Variants in INPP5D observed in about 807,000 individuals in gnomAD.
INPP5D encodes the protein inositol polyphosphate-5-phosphatase D.
INPP5D carries 33 observed loss-of-function variants against 122.9 expected under a neutral mutation model. The observed-to-expected ratio is 0.27, with a 90% CI of 0.20 to 0.36. INPP5D has a LOEUF of 0.36. Ranked by LOEUF, INPP5D falls within the 10% of genes least tolerant of loss-of-function variation. The pLI is 1.00. For synonymous variants in INPP5D, 584 were observed against 576.2 expected (o/e 1.01, Z -0.19); for missense variants, 1,053 against 1,412.7 (o/e 0.75, Z 4.08).
intron 2 of INPP5D, among the ~76,000 whole-genome samples, chr2:233,083,440 T>C (rs1326201985): frequency 6.6e-6 from 1 of 152,198 alleles, no homozygotes; most frequent in African/African-American, 2.4e-5. Flanking sequence ...CCTTCTGGAC[T>C]CAGCTTGCAC....
In INPP5D at chr2:233,163,910, AGCTGGCTGCAC is replaced by A; in HGVS notation, c.1437+13_1437+23del. On this transcript the variant is annotated splice_region_variant and intron_variant, in intron 12 of 26. Transcript: ENST00000445964. ...CAGTGTGACTTTTAAAACAGTGAGC[AGCTGGCTGCAC>A]GCTGGGTGGGCTTCCGGGATAGAAT... is the stretch of plus-strand genomic sequence containing the variant. 1 of 1,613,114 alleles carries A rather than the reference AGCTGGCTGCAC, an allele frequency of 6.2e-7. No homozygotes were observed. Among genetic ancestry groups the A allele is most frequent in the Non-Finnish European group, 8.5e-7 (1 of 1,179,206 alleles).
At chr2:233,138,470 GA>G (rs1314609093) in intron 5 of INPP5D, among the ~76,000 whole-genome samples, 1 of 151,990 alleles carries the variant, frequency 6.6e-6, no homozygotes, top group Non-Finnish European at 1.5e-5. Context: ...ATCAGCAATA[GA>G]AAAACAATGA....
intron 1 of INPP5D, 33 bp from the exon 2 acceptor site, chr2:233,079,302 A>G (rs770503026): frequency 7.0e-5 from 97 of 1,390,646 alleles, no homozygotes; most frequent in Non-Finnish European, 8.9e-5. Context: ...GTCTTCCTGC[A>G]TGGGTTCTAA....
At chr2:233,154,590 A>G (rs1018008931) in intron 9 of INPP5D, among the ~76,000 whole-genome samples, 1 of 152,210 alleles carries the variant, frequency 6.6e-6, no homozygotes, top group Non-Finnish European at 1.5e-5. Flanking sequence ...GAGCTTATAT[A>G]CCTTCTAATC....
chr2:233,094,627 T>TG (rs2106226230), intron 2 of INPP5D, among the ~76,000 whole-genome samples: 1 of 151,610 alleles, frequency 6.6e-6, no homozygotes, highest in East Asian at 1.9e-4. Context: ...TCTAGAACCT[T>TG]GCTGCTCAGA....
chr2:233,190,083 AC>A, intron 22 of INPP5D, 146 bp downstream of exon 22: 1 of 1,317,442 alleles, frequency 7.6e-7, no homozygotes, highest in Non-Finnish European at 1.0e-6. Context: ...TGGGACCGTC[AC>A]CACTAAGTCA....
At chr2:233,080,565 G>A (rs1691655960) in intron 2 of INPP5D, among the ~76,000 whole-genome samples, 2 of 152,120 alleles carry the variant, frequency 1.3e-5, no homozygotes, top group South Asian at 4.1e-4. Context: ...ACAAAGGTTT[G>A]GATATCATGT....
At chr2:233,144,750 G>C (rs919851870) in intron 6 of INPP5D, among the ~76,000 whole-genome samples, 4 of 151,890 alleles carry the variant, frequency 2.6e-5, no homozygotes, top group Non-Finnish European at 5.9e-5. Context: ...GAGTGATAGG[G>C]GTGGAGATGG....
Position 233,170,927 on chromosome 2 carries a change from A to T in INPP5D, c.1901-137A>T. The T allele has an allele frequency of 1.0e-6, 1 of 992,834 alleles. No homozygotes were observed. Among genetic ancestry groups the T allele is most frequent in the South Asian group, 1.7e-5 (1 of 57,210 alleles). 61.5% of individuals were successfully genotyped at this position (992,834 alleles called of 1,614,324 possible). A position where few individuals can be genotyped will look rare whatever the true frequency, so the allele number is the denominator to read the frequency against. On this transcript the variant is annotated intron_variant, in intron 16 of 26. Transcript: ENST00000445964. The surrounding 1 kb of genome is among the most constrained non-coding windows in gnomAD (Gnocchi z 4.5). ...TCTCAAAAAAAAAAAAAAAAAAAGCAGCAGCCTCTCCTCTTGGAGCCTTTC... is the reference window on the plus strand; with the variant it reads ...TCTCAAAAAAAAAAAAAAAAAAAGCTGCAGCCTCTCCTCTTGGAGCCTTTC...
chr2:233,138,208 G>T (rs970951357), intron 5 of INPP5D, among the ~76,000 whole-genome samples: 1 of 149,878 alleles, frequency 6.7e-6, no homozygotes, highest in African/African-American at 2.4e-5. Context: ...AAATTAGCTG[G>T]GCGTGGTGGT....
At chr2:233,108,094 A>T (rs548942861) in intron 2 of INPP5D, among the ~76,000 whole-genome samples, 1 of 152,164 alleles carries the variant, frequency 6.6e-6, no homozygotes, top group Admixed American at 6.5e-5. Context: ...GTCCTCCAGG[A>T]GGTAGACGCC....
chr2:233,060,713 A>G, intron 1 of INPP5D, 101 bp downstream of exon 1: 1 of 1,449,298 alleles, frequency 6.9e-7, no homozygotes, highest in Non-Finnish European at 9.6e-7. Flanking sequence ...GGACAGAGTG[A>G]TCTGACATGC....
chr2:233,157,518 A>G (rs1434734990), intron 9 of INPP5D, among the ~76,000 whole-genome samples: 3 of 152,240 alleles, frequency 2.0e-5, no homozygotes, highest in Admixed American at 6.5e-5. Context: ...TGGTCTGTCA[A>G]TAGCATTTTG....
chr2:233,167,354 C>T (rs1694370350), intron 13 of INPP5D, among the ~76,000 whole-genome samples: 1 of 151,500 alleles, frequency 6.6e-6, no homozygotes, highest in Non-Finnish European at 1.5e-5. Context: ...CTGGGCGACA[C>T]AGACTTTGTC....
intron 2 of INPP5D, among the ~76,000 whole-genome samples, chr2:233,103,574 A>G (rs575098555): frequency 2.0e-4 from 31 of 152,146 alleles, no homozygotes; most frequent in African/African-American, 7.2e-4. Context: ...AGAGGAAGGA[A>G]CCTGAGATCT....
chr2:233,074,378 A>G (rs569570439), intron 1 of INPP5D, among the ~76,000 whole-genome samples: 3 of 152,290 alleles, frequency 2.0e-5, no homozygotes, highest in Non-Finnish European at 4.4e-5. Flanking sequence ...CCAGCTCCCA[A>G]TAATACTCGG....
chr2:233,074,838 A>G (rs1208210527), intron 1 of INPP5D, among the ~76,000 whole-genome samples: 3 of 152,224 alleles, frequency 2.0e-5, no homozygotes, highest in Non-Finnish European at 4.4e-5. Flanking sequence ...CTTGAATTTT[A>G]TAGTTGGATT....
intron 2 of INPP5D, among the ~76,000 whole-genome samples, chr2:233,086,899 G>A (rs1419464891): frequency 6.6e-6 from 1 of 152,174 alleles, no homozygotes; most frequent in Non-Finnish European, 1.5e-5. Context: ...TCCTTAGCCT[G>A]TGTCGTGTTT....
intron 3 of INPP5D, among the ~76,000 whole-genome samples, chr2:233,124,695 C>T (rs542912513): frequency 3.3e-5 from 5 of 152,258 alleles, no homozygotes; most frequent in African/African-American, 7.2e-5. Context: ...TCACTCCCCT[C>T]GGGCTGCCCA....
Sources: gnomAD v4.1 joint callset for allele counts (sites outside exome capture counted in the v4.1 genomes callset) on GRCh38, gnomAD v4.1.1 for gene constraint, Gnocchi (gnomAD v3.1) non-coding constraint, MANE v1.5 for transcripts, NCBI Gene and HGNC (gene_info 2026-07-23, HGNC 2026-07-21) for gene names.